OR9G4: variants seen among roughly 807,000 people sequenced by gnomAD.
The protein encoded by OR9G4 is olfactory receptor family 9 subfamily G member 4.
Under a neutral mutation model 16.7 loss-of-function variants are expected in OR9G4, and 19 were observed. That is an observed-to-expected ratio of 1.14 (90% CI 0.79 to 1.67). The LOEUF is 1.67. OR9G4 is among the 40% of genes most tolerant of loss of function. The probability of loss-of-function intolerance (pLI) is 0.00; values close to 1 mark genes in which losing one functional copy is unlikely to be tolerated. For missense variants in OR9G4, 428 were observed against 370.4 expected, an observed-to-expected ratio of 1.16 and a Z score of -1.28; for synonymous variants, 182 against 146.2, an observed-to-expected ratio of 1.24 and a Z score of -1.76.
intron 1 of OR9G4, 64 bp from the exon 2 acceptor site, chr11:56,743,852 T>G: frequency 6.5e-7 from 1 of 1,529,158 alleles, no homozygotes; most frequent in Non-Finnish European, 8.8e-7. Context: ...GACAAGGGTA[T>G]CAATTAAATC....
chr11:56,743,889 T>C (rs764930174), intron 1 of OR9G4, 101 bp from the exon 2 acceptor site: 1 of 1,346,042 alleles, frequency 7.4e-7, no homozygotes, highest in Non-Finnish European at 1.0e-6. Context: ...CTTGTAGATT[T>C]TTCTCCCTTA....
chr11:56,743,529 T>TG lies in OR9G4; in HGVS notation c.237dup (p.Lys80GlnfsTer11). 1 of 1,614,124 alleles carries TG rather than the reference T, an allele frequency of 6.2e-7. No individual in the cohort carries two copies. Among genetic ancestry groups the TG allele is most frequent in the African/African-American group, 1.3e-5 (1 of 75,026 alleles). On this transcript the variant is annotated frameshift_variant, in exon 2 of 2. Transcript: ENST00000641668. LOFTEE classifies it high-confidence loss of function. ...TCTGAGACACAACTGGCCAGGATTT[T>TG]GGGGGTATACACAGAGGTATACCAG...
chr11:56,747,323 C>A (rs766964659), intron 1 of OR9G4, among the ~76,000 whole-genome samples: 1 of 152,014 alleles, frequency 6.6e-6, no homozygotes, highest in Non-Finnish European at 1.5e-5. Flanking sequence ...TCCTTTCAAA[C>A]GTCACATTCT....
At position 56,746,224 on chromosome 11, in the gene OR9G4, C is replaced by G. The variant is rs899068062; in HGVS notation, c.-23+2432G>C. Among the ~76,000 whole-genome samples the G allele has an allele frequency of 6.5e-4, 84 of 128,648 alleles. 1 individual carries two copies. Among genetic ancestry groups the G allele is most frequent in the Non-Finnish European group, 1.1e-3 (70 of 63,678 alleles). The allele number at this position is 128,648 out of a possible 152,430, so 84.4% of individuals were successfully genotyped here. A position where few individuals can be genotyped will look rare whatever the true frequency, so the allele number is the denominator to read the frequency against. ...AGGAGAATGGCGTGAACCCGGGAGG[C>G]GGAGCTTGCAGTGAGCCGAGATCCC... On this transcript the variant is annotated intron_variant, in intron 1 of 1. Transcript: ENST00000641668.
At chr11:56,745,399 G>C (rs996030394) in intron 1 of OR9G4, among the ~76,000 whole-genome samples, 1 of 152,050 alleles carries the variant, frequency 6.6e-6, no homozygotes, top group African/African-American at 2.4e-5. Flanking sequence ...CTCATCTCAG[G>C]AACACAATTC....
Position 56,743,803 on chromosome 11 carries a change from G to GA in OR9G4, c.-22-16dup. The GA allele has an allele frequency of 6.2e-7, 1 of 1,608,202 alleles. No homozygotes were observed. The highest frequency in any genetic ancestry group is 8.5e-7 in the Non-Finnish European group (1 of 1,177,462). ...TGAAAGCCTGACTATCATGAGAAGG[G>GA]AAAATCATCACTTAGTGTTTTTTCT... On this transcript the variant is annotated splice_polypyrimidine_tract_variant and intron_variant, in intron 1 of 1. Coordinates refer to ENST00000641668, the MANE Select transcript of OR9G4 (RefSeq NM_001005284.2).
intron 1 of OR9G4, among the ~76,000 whole-genome samples, chr11:56,746,418 C>G (rs568676237): frequency 6.6e-6 from 1 of 151,492 alleles, no homozygotes; most frequent in African/African-American, 2.4e-5. Context: ...TCATGAAGCT[C>G]TTTGAGAACT....
chr11:56,748,292 C>T (rs1256054918), intron 1 of OR9G4, among the ~76,000 whole-genome samples: 1 of 152,196 alleles, frequency 6.6e-6, no homozygotes, highest in Non-Finnish European at 1.5e-5. Flanking sequence ...ATGTGCCTTC[C>T]TGGCATCTCA....
intron 1 of OR9G4, 51 bp from the exon 2 acceptor site, chr11:56,743,839 G>A (rs749355994): frequency 6.4e-7 from 1 of 1,568,366 alleles, no homozygotes; most frequent in Non-Finnish European, 8.6e-7. Flanking sequence ...ATTCACACAA[G>A]TTGACAAGGG....
In OR9G4 at chr11:56,743,249, AT is replaced by A; in HGVS notation, c.517del (p.Ile173SerfsTer13). 3 of 1,614,134 alleles carry A rather than the reference AT, an allele frequency of 1.9e-6. No individual in the cohort carries two copies. Among genetic ancestry groups the A allele is most frequent in the Non-Finnish European group, 2.5e-6 (3 of 1,179,988 alleles). On this transcript the variant is annotated frameshift_variant, in exon 2 of 2. Transcript: ENST00000641668. LOFTEE classifies it high-confidence loss of function. ...TFRLHFCGKN[I>X]IDHFFCDAPP... ...TGCATCACAGAAAAAGTGGTCAATG[AT>A]ATTTTTACCACAAAAATGCAGGCGG...
At chr11:56,746,046 C>A (rs1858406626) in intron 1 of OR9G4, among the ~76,000 whole-genome samples, 1 of 152,006 alleles carries the variant, frequency 6.6e-6, no homozygotes, top group African/African-American at 2.4e-5. Flanking sequence ...GTAATCCCAG[C>A]ACTTTGGGAG....
rs548302190 is a variant in OR9G4, at chr11:56,746,101, G to A, written c.-22-2313C>T. 1.4e-4 allele frequency among the ~76,000 whole-genome samples: 21 copies of A among 151,592 alleles called. No homozygotes were observed. In the South Asian group the frequency reaches 1.9e-3, roughly 14 times the overall value. ...AAGGTCAGGAGATCGAGACCATCCCGGCTAAAACGGTGAAACCCCGTCTCT... is the reference window on the plus strand; with the variant it reads ...AAGGTCAGGAGATCGAGACCATCCCAGCTAAAACGGTGAAACCCCGTCTCT... On this transcript the variant is annotated intron_variant, in intron 1 of 1. Transcript: ENST00000641668.
intron 1 of OR9G4, among the ~76,000 whole-genome samples, chr11:56,744,163 G>C: frequency 6.6e-6 from 1 of 152,006 alleles, no homozygotes; most frequent in Non-Finnish European, 1.5e-5. Flanking sequence ...TGCCTCCTAG[G>C]TTCAAGCAAT....
Position 56,744,695 on chromosome 11 carries a change from CT to C in OR9G4, c.-22-908del, listed in dbSNP as rs764276685. ...GATTCAAAGCCTGGATTTCAAGAAG[CT>C]TTTTATGTTTCTCTTCTCACTTTTA... On this transcript the variant is annotated intron_variant, in intron 1 of 1. Coordinates refer to ENST00000641668, the MANE Select transcript of OR9G4 (RefSeq NM_001005284.2). Among the ~76,000 whole-genome samples the C allele has an allele frequency of 7.9e-4, 121 of 152,210 alleles. 2 individuals are homozygous for C. In the Middle Eastern group the frequency reaches 0.01, roughly 13 times the overall value.
intron 1 of OR9G4, among the ~76,000 whole-genome samples, chr11:56,745,219 A>G (rs1210571892): frequency 6.6e-6 from 1 of 152,248 alleles, no homozygotes; most frequent in Non-Finnish European, 1.5e-5. Context: ...AAGCAATTTC[A>G]GCCAGAATAG....
At chr11:56,746,042 C>T (rs1406466543) in intron 1 of OR9G4, among the ~76,000 whole-genome samples, 1 of 151,888 alleles carries the variant, frequency 6.6e-6, no homozygotes, top group African/African-American at 2.4e-5. Context: ...GCCTGTAATC[C>T]CAGCACTTTG....
chr11:56,746,175 C>G lies in OR9G4; in HGVS notation c.-22-2387G>C, dbSNP rs140579030. On this transcript the variant is annotated intron_variant, in intron 1 of 1. Coordinates refer to ENST00000641668, the MANE Select transcript of OR9G4 (RefSeq NM_001005284.2). ...GGGCGTAGTGGCGGGCGCCTGTAGT[C>G]CCAGCTACTTGGGAGGCTGAGGCAG... is the stretch of plus-strand genomic sequence containing the variant. Among the ~76,000 whole-genome samples, 2,290 of 149,574 alleles carry G rather than the reference C, an allele frequency of 0.015. 224 individuals are homozygous for G. In the East Asian group the frequency reaches 0.27, roughly 18 times the overall value.
At chr11:56,747,855 T>C (rs1042003592) in intron 1 of OR9G4, among the ~76,000 whole-genome samples, 5 of 152,168 alleles carry the variant, frequency 3.3e-5, no homozygotes, top group African/African-American at 1.2e-4. Context: ...TTTGTATTTT[T>C]AGTAAAGACA....
Position 56,741,310 on chromosome 11 carries a change from A to G in OR9G4, c.*1518T>C. On this transcript the variant is annotated 3_prime_UTR_variant, in exon 2 of 2. Transcript: ENST00000641668. ...ATTGTAGATTCAATTGAATACTGAT[A>G]CAGTTTTTAAAATTCAGTATCTCCG... 5.7e-6 allele frequency: 1 copy of G among 174,436 alleles called. No individual in the cohort carries two copies. Among genetic ancestry groups the G allele is most frequent in the Non-Finnish European group, 1.2e-5 (1 of 81,624 alleles). 10.8% of individuals were successfully genotyped at this position (174,436 alleles called of 1,614,324 possible). A position where few individuals can be genotyped will look rare whatever the true frequency, so the allele number is the denominator to read the frequency against.
Sources: allele counts gnomAD v4.1 joint callset (sites outside exome capture counted in the v4.1 genomes callset), GRCh38; gene constraint gnomAD v4.1.1; transcripts MANE v1.5; gene names NCBI Gene and HGNC (gene_info 2026-07-23, HGNC 2026-07-21).